Variants in SCN10A observed in about 807,000 individuals in gnomAD.
SCN10A encodes the protein sodium voltage-gated channel alpha subunit 10.
In SCN10A, 162 loss-of-function variants were observed where a neutral mutation model predicts 170.7. The ratio of observed to expected loss-of-function variants is 0.95; its 90% CI spans 0.84 to 1.08. The LOEUF (loss-of-function observed/expected upper bound fraction) is 1.08, where lower values mean the gene tolerates loss of function less well. Ranked by LOEUF, SCN10A falls within the 50% of genes least tolerant of loss-of-function variation. The probability of loss-of-function intolerance (pLI) is 0.00; values close to 1 mark genes in which losing one functional copy is unlikely to be tolerated. For missense variants in SCN10A, 2,527 were observed against 2,436.9 expected, an observed-to-expected ratio of 1.04 and a Z score of -0.78; for synonymous variants, 985 against 904.6, an observed-to-expected ratio of 1.09 and a Z score of -1.59.
At chr3:38,707,074 G>T (rs1559412515) in intron 26 of SCN10A, among the ~76,000 whole-genome samples, 1 of 152,096 alleles carries the variant, frequency 6.6e-6, no homozygotes, top group Non-Finnish European at 1.5e-5. Context: ...AGCTGTAAAA[G>T]GTATGTTTAC....
chr3:38,765,706 C>T (rs2063924766), intron 5 of SCN10A, among the ~76,000 whole-genome samples: 3 of 152,004 alleles, frequency 2.0e-5, no homozygotes, highest in African/African-American at 7.2e-5. Flanking sequence ...ATGTGGATTC[C>T]TTTTTGGTTC....
Position 38,698,113 on chromosome 3 carries a change from T to C in SCN10A, c.5107A>G (p.Thr1703Ala). The change falls in exon 28 of 28, where the codon ACC (threonine) becomes GCC (alanine). Residue 1703 changes from threonine to alanine, a missense_variant. Coordinates refer to ENST00000449082, the MANE Select transcript of SCN10A (RefSeq NM_006514.4). Reference sequence around the variant, plus strand: ...AGGAAGGAGATGATGATGTAGGTGGTGAAGAAGATGATGCCTACGGCTGGG... The same window carrying C: ...AGGAAGGAGATGATGATGTAGGTGGCGAAGAAGATGATGCCTACGGCTGGG... ...GSPAVGIIFF[T>A]TYIIISFLIM... is the part of the protein sequence containing the mutation. 1 of 1,613,966 alleles carries C rather than the reference T, an allele frequency of 6.2e-7. No homozygotes were observed. Among genetic ancestry groups the C allele is most frequent in the Non-Finnish European group, 8.5e-7 (1 of 1,179,952 alleles).
Position 38,752,355 on chromosome 3 carries a change from C to G in SCN10A, c.1619G>C (p.Gly540Ala). Residue 540 changes from glycine to alanine, a missense_variant, in exon 12 of 28, where the codon GGT (glycine) becomes GCT (alanine). By Grantham distance (60) the Gly-to-Ala change is moderately conservative. Transcript: ENST00000449082. Reference sequence around the variant, plus strand: ...GGGGCCTTGCTGGCCAGCACCCCCACCCAGCAGCAGAGAGCCCCGATGGCT... The same window carrying G: ...GGGGCCTTGCTGGCCAGCACCCCCAGCCAGCAGCAGAGAGCCCCGATGGCT... ...HESHRGSLLLGGGAGQQGPLP... is the reference protein window; with the variant it reads ...HESHRGSLLLAGGAGQQGPLP... 6.2e-7 allele frequency: 1 copy of G among 1,613,778 alleles called. No homozygotes were observed. Among genetic ancestry groups the G allele is most frequent in the Non-Finnish European group, 8.5e-7 (1 of 1,179,872 alleles).
chr3:38,712,101 A>C (rs2063280166), intron 23 of SCN10A, 60 bp downstream of exon 23: 2 of 1,547,368 alleles, frequency 1.3e-6, no homozygotes, highest in Admixed American at 1.7e-5. Flanking sequence ...GGGAACCTAG[A>C]CTCTCCATTT....
chr3:38,760,649 C>T (rs765546386), intron 8 of SCN10A, 32 bp downstream of exon 8: 2 of 1,555,152 alleles, frequency 1.3e-6, no homozygotes, highest in Admixed American at 1.7e-5. Flanking sequence ...AATTGTTGGG[C>T]ACTCGTGCTT....
At chr3:38,780,338 T>A (rs2064124693) in intron 4 of SCN10A, among the ~76,000 whole-genome samples, 1 of 152,092 alleles carries the variant, frequency 6.6e-6, no homozygotes. Flanking sequence ...TTGAATTCTA[T>A]AATTTTAGCC....
intron 11 of SCN10A, 52 bp downstream of exon 11, chr3:38,755,736 A>C: frequency 1.3e-6 from 2 of 1,593,174 alleles, no homozygotes; most frequent in Non-Finnish European, 1.7e-6. Flanking sequence ...CTCATTGTCT[A>C]CGGCAGCTGC....
At chr3:38,797,760 A>C (rs1223299091) in intron 1 of SCN10A, among the ~76,000 whole-genome samples, 1 of 152,206 alleles carries the variant, frequency 6.6e-6, no homozygotes, top group Non-Finnish European at 1.5e-5. Context: ...GTGACACTGG[A>C]ATGCAATGTT....
At chr3:38,776,119 G>T (rs1179522170) in intron 4 of SCN10A, among the ~76,000 whole-genome samples, 1 of 151,916 alleles carries the variant, frequency 6.6e-6, no homozygotes, top group Admixed American at 6.6e-5. Context: ...AATAAATTGG[G>T]TACTAGGACA....
intron 18 of SCN10A, among the ~76,000 whole-genome samples, chr3:38,724,698 ATTTGAC>A (rs1174120031): frequency 6.6e-6 from 1 of 152,196 alleles, no homozygotes; most frequent in Non-Finnish European, 1.5e-5. Flanking sequence ...TCTGAAAGAT[ATTTGAC>A]TTTCTTTGTG....
At chr3:38,812,461 G>A (rs1266968924) in intron 1 of SCN10A, among the ~76,000 whole-genome samples, 3 of 151,932 alleles carry the variant, frequency 2.0e-5, no homozygotes, top group Non-Finnish European at 4.4e-5. Flanking sequence ...TTTAATTGAG[G>A]AATACATACG....
At chr3:38,777,715 C>T (rs953707448) in intron 4 of SCN10A, among the ~76,000 whole-genome samples, 3 of 152,020 alleles carry the variant, frequency 2.0e-5, no homozygotes, top group African/African-American at 4.8e-5. Context: ...TTTAAATCCA[C>T]GTGGTGTTGA....
intron 13 of SCN10A, among the ~76,000 whole-genome samples, chr3:38,746,095 A>C (rs1483855289): frequency 9.5e-5 from 11 of 115,654 alleles, no homozygotes; most frequent in South Asian, 6.1e-4. Context: ...ATATATATAT[A>C]TATATGCCAT....
intron 4 of SCN10A, among the ~76,000 whole-genome samples, chr3:38,782,348 C>T (rs2064148270): frequency 6.6e-6 from 1 of 151,954 alleles, no homozygotes; most frequent in African/African-American, 2.4e-5. Context: ...TTTTTATCCC[C>T]CTCTGGAGGC....
intron 15 of SCN10A, among the ~76,000 whole-genome samples, chr3:38,735,045 C>T (rs1157975550): frequency 6.6e-6 from 1 of 151,792 alleles, no homozygotes; most frequent in Non-Finnish European, 1.5e-5. Flanking sequence ...TGGTGGGTGC[C>T]TGTAGTCCCA....
At chr3:38,736,644 G>A (rs1575977011) in intron 15 of SCN10A, among the ~76,000 whole-genome samples, 1 of 152,206 alleles carries the variant, frequency 6.6e-6, no homozygotes, top group East Asian at 1.9e-4. Flanking sequence ...GAGGGAAAAG[G>A]TGATTGAGTT....
At chr3:38,742,597 T>A in intron 13 of SCN10A, 68 bp from the exon 14 acceptor site, 1 of 1,166,742 alleles carries the variant, frequency 8.6e-7, no homozygotes, top group East Asian at 2.3e-5. Flanking sequence ...TCTGCGGTCA[T>A]CCTCTAGACC....
chr3:38,777,159 G>A (rs572884688), intron 4 of SCN10A, among the ~76,000 whole-genome samples: 142 of 151,946 alleles, frequency 9.3e-4, no homozygotes, highest in African/African-American at 3.1e-3. Context: ...TGAAGGTCCC[G>A]GCCAATTCAA....
Position 38,815,108 on chromosome 3 carries a change from GA to G in SCN10A, c.-33+928del, listed in dbSNP as rs149595257. Among the ~76,000 whole-genome samples, 1,067 of 152,148 alleles carry G rather than the reference GA, an allele frequency of 7.0e-3. 18 individuals are homozygous for G. Among genetic ancestry groups the G allele is most frequent in the African/African-American group, 0.024 (1,007 of 41,510 alleles). ...CACTAAGTGTGCTAGAGCTATGGGG[GA>G]AAAAAAGCCAAACAAAGCCAGAACC... On this transcript the variant is annotated intron_variant, in intron 1 of 27. Transcript: ENST00000449082.
Sources: gnomAD v4.1 joint callset for allele counts (sites outside exome capture counted in the v4.1 genomes callset) on GRCh38, gnomAD v4.1.1 for gene constraint, MANE v1.5 for transcripts, NCBI Gene and HGNC (gene_info 2026-07-23, HGNC 2026-07-21) for gene names.